DNAH9: variants seen among roughly 807,000 people sequenced by gnomAD.
DNAH9 encodes the protein DNAH9 variant protein.
Under a neutral mutation model 471.6 loss-of-function variants are expected in DNAH9, and 345 were observed. The observed-to-expected ratio is 0.73, with a 90% CI of 0.67 to 0.80. DNAH9 has a LOEUF of 0.80. Among genes scored for constraint, DNAH9 ranks in the 30% least tolerant of loss-of-function variants. DNAH9 has a pLI of 0.00. For synonymous variants in DNAH9, 2,093 were observed against 2,123.6 expected (o/e 0.99, Z 0.40); for missense variants, 5,407 against 5,609.2 (o/e 0.96, Z 1.15).
Position 11,902,756 on chromosome 17 carries a change from G to A in DNAH9, c.11444G>A (p.Arg3815Gln), listed in dbSNP as rs145166733. ...ATGGAAGAATTCTCTAATCTGGATC[G>A]GGACATAGAGGGATCTGCTAAGAGC... ...SSMEEFSNLD[R>Q]DIEGSAKSWK... Residue 3815 changes from arginine (R) to glutamine (Q), a missense_variant, in exon 60 of 69, where the codon CGG becomes CAG. Arg to Gln is a conservative substitution (Grantham distance 43). Coordinates refer to ENST00000262442, the MANE Select transcript of DNAH9 (RefSeq NM_001372.4). The A allele has an allele frequency of 1.4e-4, 226 of 1,613,372 alleles. No homozygotes were observed. The highest frequency in any genetic ancestry group is 2.6e-4 in the South Asian group (24 of 91,050).
chr17:11,680,994 A>G (rs2074124335), intron 19 of DNAH9, 105 bp downstream of exon 19: 1 of 1,093,288 alleles, frequency 9.1e-7, no homozygotes, highest in African/African-American at 1.6e-5. Flanking sequence ...GCTGCAGACC[A>G]GTTAATAATC....
intron 15 of DNAH9, among the ~76,000 whole-genome samples, chr17:11,667,155 G>C (rs11657172): frequency 0.34 from 51,253 of 152,068 alleles, 9,778 homozygotes; most frequent in Middle Eastern, 0.46. Flanking sequence ...ATTCTGTCAA[G>C]TCTTTTGAAT....
At chr17:11,717,078 A>G (rs956648081) in intron 26 of DNAH9, among the ~76,000 whole-genome samples, 39 of 152,368 alleles carry the variant, frequency 2.6e-4, no homozygotes, top group Non-Finnish European at 4.4e-4. Context: ...AACAGTGGCC[A>G]AGAAGGACAA....
chr17:11,966,619 T>G (rs1240230251), intron 68 of DNAH9, among the ~76,000 whole-genome samples: 1 of 152,214 alleles, frequency 6.6e-6, no homozygotes, highest in African/African-American at 2.4e-5. Flanking sequence ...TTCTATCTAA[T>G]TTAAAGGACA....
intron 4 of DNAH9, among the ~76,000 whole-genome samples, chr17:11,616,480 T>A (rs2072746401): frequency 6.6e-6 from 1 of 152,186 alleles, no homozygotes; most frequent in Admixed American, 6.5e-5. Context: ...CCTTTTGCAT[T>A]CCCTCTAAGT....
chr17:11,769,101 C>T (rs1341300089), intron 37 of DNAH9, 21 bp from the exon 38 acceptor site: 1 of 1,613,764 alleles, frequency 6.2e-7, no homozygotes, highest in Non-Finnish European at 8.5e-7. Context: ...CCTTGGCAGG[C>T]TTATTGTGCT....
Position 11,923,725 on chromosome 17 carries a change from G to A in DNAH9, c.11750-89G>A, listed in dbSNP as rs145800373. On this transcript the variant is annotated intron_variant, in intron 61 of 68. Coordinates refer to ENST00000262442, the MANE Select transcript of DNAH9 (RefSeq NM_001372.4). The stretch of plus-strand genomic sequence containing the variant: ...ATTTGGGCATGCCCGTGTTTGAGGG[G>A]TGATCTGAGCGTGTGCATTTCCTTA... 4.4e-5 allele frequency: 67 copies of A among 1,525,416 alleles called. No homozygotes were observed. The African/African-American group carries it at 7.3e-4, about 17-fold the overall frequency. The allele number at this position is 1,525,416 out of a possible 1,614,324, so 94.5% of individuals were successfully genotyped here. A position where few individuals can be genotyped will look rare whatever the true frequency, so the allele number is the denominator to read the frequency against.
intron 26 of DNAH9, among the ~76,000 whole-genome samples, chr17:11,714,063 TGGG>T (rs1040925977): frequency 9.2e-5 from 14 of 152,308 alleles, no homozygotes; most frequent in Non-Finnish European, 1.8e-4. Context: ...ATCCTAGAAT[TGGG>T]GGCATTTATG....
chr17:11,908,080 C>T (rs1213913329), intron 61 of DNAH9, among the ~76,000 whole-genome samples: 1 of 152,168 alleles, frequency 6.6e-6, no homozygotes, highest in Non-Finnish European at 1.5e-5. Context: ...CTTCCCTCCA[C>T]ATACACGGGG....
At chr17:11,654,067 C>T (rs1446137320) in intron 14 of DNAH9, among the ~76,000 whole-genome samples, 1 of 130,436 alleles carries the variant, frequency 7.7e-6, no homozygotes, top group Non-Finnish European at 1.7e-5. Flanking sequence ...AGTTTAAAAT[C>T]GATCTAGGCC....
intron 2 of DNAH9, 110 bp from the exon 3 acceptor site, chr17:11,610,286 A>G: frequency 1.2e-6 from 1 of 836,550 alleles, no homozygotes; most frequent in Non-Finnish European, 1.8e-6. Flanking sequence ...GAAATTTCTC[A>G]CCTATTTTTT....
intron 19 of DNAH9, among the ~76,000 whole-genome samples, chr17:11,682,619 ACT>A (rs1321365833): frequency 6.6e-6 from 1 of 151,842 alleles, no homozygotes; most frequent in Non-Finnish European, 1.5e-5. Flanking sequence ...AAAACATATG[ACT>A]CTAAAGCAAT....
intron 19 of DNAH9, among the ~76,000 whole-genome samples, chr17:11,688,124 G>A (rs1356272157): frequency 6.7e-6 from 1 of 148,306 alleles, no homozygotes; most frequent in Non-Finnish European, 1.5e-5. Flanking sequence ...GCCTACATGG[G>A]TTCCTTTGCA....
chr17:11,965,989 T>C (rs1976681823), intron 68 of DNAH9, among the ~76,000 whole-genome samples: 1 of 151,890 alleles, frequency 6.6e-6, no homozygotes, highest in Non-Finnish European at 1.5e-5. Flanking sequence ...TAACAACATA[T>C]GCACAATGGT....
chr17:11,817,055 C>CA (rs60143900), intron 45 of DNAH9, among the ~76,000 whole-genome samples: 43 of 145,912 alleles, frequency 2.9e-4, no homozygotes, highest in East Asian at 7.9e-4. Flanking sequence ...CGAGCCGTCT[C>CA]AAAAAAAAAA....
chr17:11,671,747 A>G (rs1441671781), intron 17 of DNAH9, among the ~76,000 whole-genome samples: 3 of 152,204 alleles, frequency 2.0e-5, no homozygotes, highest in African/African-American at 7.2e-5. Flanking sequence ...ATGTGAAAGG[A>G]TCAAAAACAC....
intron 65 of DNAH9, among the ~76,000 whole-genome samples, chr17:11,934,643 G>A (rs183131249): frequency 4.0e-5 from 6 of 151,886 alleles, no homozygotes; most frequent in Non-Finnish European, 5.9e-5. Context: ...TAGTAGAGAC[G>A]GGGTTTCACC....
intron 4 of DNAH9, 146 bp downstream of exon 4, chr17:11,611,926 A>C: frequency 1.4e-6 from 1 of 731,272 alleles, no homozygotes; most frequent in Middle Eastern, 3.2e-4. Context: ...CAAGAATACC[A>C]CATCTAGATA....
intron 61 of DNAH9, among the ~76,000 whole-genome samples, chr17:11,916,376 A>T (rs1049181282): frequency 1.3e-5 from 2 of 152,152 alleles, no homozygotes; most frequent in Non-Finnish European, 2.9e-5. Flanking sequence ...GCTGTTCATC[A>T]ACTAGAGATT....
Sources: allele counts gnomAD v4.1 joint callset (sites outside exome capture counted in the v4.1 genomes callset), GRCh38; gene constraint gnomAD v4.1.1; transcripts MANE v1.5; gene names NCBI Gene and HGNC (gene_info 2026-07-23, HGNC 2026-07-21).